Variants in RSPRY1 observed in about 807,000 individuals in gnomAD.
RSPRY1 encodes ring finger and SPRY domain containing 1.
A neutral mutation model predicts 73.1 loss-of-function variants in RSPRY1; 23 were observed. The ratio of observed to expected loss-of-function variants is 0.31; its 90% CI spans 0.23 to 0.45. The LOEUF is 0.45. Among genes scored for constraint, RSPRY1 ranks in the 20% least tolerant of loss-of-function variants. The probability of loss-of-function intolerance (pLI) is 1.00; values close to 1 mark genes in which losing one functional copy is unlikely to be tolerated. For missense variants in RSPRY1, 448 were observed against 698.7 expected, an observed-to-expected ratio of 0.64 and a Z score of 4.05; for synonymous variants, 226 against 251.4, an observed-to-expected ratio of 0.90 and a Z score of 0.95.
intron 11 of RSPRY1, among the ~76,000 whole-genome samples, chr16:57,230,162 C>G (rs767933362): frequency 5.9e-5 from 9 of 151,616 alleles, no homozygotes; most frequent in Non-Finnish European, 1.0e-4. Flanking sequence ...AGGTGCCCAC[C>G]ACCACACCCA....
chr16:57,194,186 C>T (rs2074398830), intron 1 of RSPRY1, among the ~76,000 whole-genome samples: 1 of 151,962 alleles, frequency 6.6e-6, no homozygotes, highest in African/African-American at 2.4e-5. Context: ...ATACTGATGC[C>T]TATAGTTTAC....
At chr16:57,214,004 A>G (rs772260362) in intron 6 of RSPRY1, 58 bp downstream of exon 6, 68 of 1,181,524 alleles carry the variant, frequency 5.8e-5, no homozygotes, top group Non-Finnish European at 8.1e-5. Flanking sequence ...CATCATCTAG[A>G]ACTGTGCATT....
rs776847428 is a variant in RSPRY1 at position 57,221,413 on chromosome 16, C to T, written c.1159C>T (p.His387Tyr). The T allele has an allele frequency of 6.2e-7, 1 of 1,613,182 alleles. No individual in the cohort carries two copies. Residue 387 changes from histidine to tyrosine, a missense_variant and splice_region_variant, in exon 10 of 15, where the codon CAT becomes TAT. Coordinates refer to ENST00000394420, the MANE Select transcript of RSPRY1 (RefSeq NM_133368.3). ...WATRDSKFLN[H>Y]EGYGIGDDEY... ...CACTCGAGACAGCAAATTCCTCAAT[C>T]ATGTGAGTACCCTAGAGAACTGTGA...
Position 57,222,168 on chromosome 16 carries a change from C to G in RSPRY1, c.1161+753C>G, listed in dbSNP as rs74021619. On this transcript the variant is annotated intron_variant, in intron 10 of 14. Transcript: ENST00000394420. ...TTGTTAATCTAAATAATAGCCCCCCCCTCCAATATGTAAGATCCTGGAATG... is the reference window on the plus strand; with the variant it reads ...TTGTTAATCTAAATAATAGCCCCCCGCTCCAATATGTAAGATCCTGGAATG... 2.5e-3 allele frequency among the ~76,000 whole-genome samples: 382 copies of G among 152,304 alleles called. 1 individual carries two copies. Among genetic ancestry groups the G allele is most frequent in the African/African-American group, 8.7e-3 (363 of 41,560 alleles).
chr16:57,197,519 C>G (rs1234126832), intron 1 of RSPRY1, among the ~76,000 whole-genome samples: 1 of 151,844 alleles, frequency 6.6e-6, no homozygotes, highest in Non-Finnish European at 1.5e-5. Context: ...AAAAAAAAGT[C>G]TGGCTTTAAA....
rs1183884742 is a variant in RSPRY1, at chr16:57,200,934, C to CG, written c.-155-3566dup. Among the ~76,000 whole-genome samples, 15 of 81,316 alleles carry CG rather than the reference C, an allele frequency of 1.8e-4. 1 individual carries two copies. In the East Asian group the frequency reaches 6.3e-3, roughly 34 times the overall value. The allele number at this position is 81,316 out of a possible 152,430, so 53.3% of individuals were successfully genotyped here. ...GCAGAGGCGCCCCTCACCTCCCAGA[C>CG]GGGGCGGCTGGCCGGGGGGGGGGGG... On this transcript the variant is annotated intron_variant, in intron 1 of 14. Coordinates refer to ENST00000394420, the MANE Select transcript of RSPRY1 (RefSeq NM_133368.3).
intron 10 of RSPRY1, 85 bp from the exon 11 acceptor site, chr16:57,227,257 G>A: frequency 1.2e-6 from 1 of 855,072 alleles, no homozygotes; most frequent in South Asian, 1.4e-5. Context: ...CCAGCCATTA[G>A]GTCAGTGGTC....
At chr16:57,209,355 T>G (rs1730485167) in intron 4 of RSPRY1, among the ~76,000 whole-genome samples, 168 bp downstream of exon 4, 1 of 152,152 alleles carries the variant, frequency 6.6e-6, no homozygotes, top group Non-Finnish European at 1.5e-5. Context: ...AAGAATTATG[T>G]CCTCTTTTTT....
chr16:57,201,635 C>G (rs867347211), intron 1 of RSPRY1, among the ~76,000 whole-genome samples: 1 of 152,190 alleles, frequency 6.6e-6, no homozygotes, highest in East Asian at 1.9e-4. Context: ...TGTATCGAGC[C>G]GAGATCACGC....
Position 57,198,076 on chromosome 16 carries a change from T to C in RSPRY1, c.-155-6428T>C, listed in dbSNP as rs2074484775. Among the ~76,000 whole-genome samples, 3 of 151,920 alleles carry C rather than the reference T, an allele frequency of 2.0e-5. No homozygotes were observed. In the South Asian group the frequency reaches 6.2e-4, roughly 32 times the overall value. ...AAAAATCTGCGTGTATTGGATATCA[T>C]CCAATCACCTTAAAATTGTACTAAA... On this transcript the variant is annotated intron_variant, in intron 1 of 14. Coordinates refer to ENST00000394420, the MANE Select transcript of RSPRY1 (RefSeq NM_133368.3).
intron 3 of RSPRY1, 141 bp from the exon 4 acceptor site, chr16:57,208,934 G>T: frequency 3.5e-6 from 2 of 579,254 alleles, no homozygotes; most frequent in Admixed American, 6.6e-5. Context: ...AGCAATTGAT[G>T]ATTATGTCCA....
intron 4 of RSPRY1, among the ~76,000 whole-genome samples, chr16:57,209,811 A>T (rs967201794): frequency 6.6e-6 from 1 of 151,848 alleles, no homozygotes; most frequent in African/African-American, 2.4e-5. Context: ...TGTAGCTGGG[A>T]CCATAGGTGC....
chr16:57,195,231 G>A (rs2074418466), intron 1 of RSPRY1, among the ~76,000 whole-genome samples: 1 of 152,152 alleles, frequency 6.6e-6, no homozygotes, highest in African/African-American at 2.4e-5. Context: ...ATAATATTAG[G>A]CTGGGCATGG....
chr16:57,231,378 C>T, intron 13 of RSPRY1, 59 bp downstream of exon 13: 1 of 1,480,790 alleles, frequency 6.8e-7, no homozygotes, highest in African/African-American at 1.4e-5. Context: ...AGAAATTAAA[C>T]AATTTATAAT....
At position 57,240,356 on chromosome 16, in the gene RSPRY1, C is replaced by CAA. The variant is rs1325848771; in HGVS notation, c.*1382_*1383insAA. On this transcript the variant is annotated 3_prime_UTR_variant, in exon 15 of 15. Transcript: ENST00000394420. ...CCATAAATCCACACACACACACACA[C>CAA]ACAAAAAATATATATATATATAAAT... The CAA allele has an allele frequency of 7.1e-4, 106 of 148,692 alleles. No homozygotes were observed. Among genetic ancestry groups the CAA allele is most frequent in the African/African-American group, 2.3e-3 (94 of 40,408 alleles). The allele number at this position is 148,692 out of a possible 1,614,324, so 9.2% of individuals were successfully genotyped here.
At chr16:57,212,881 G>A in intron 4 of RSPRY1, 91 bp from the exon 5 acceptor site, 1 of 1,414,248 alleles carries the variant, frequency 7.1e-7, no homozygotes, top group Non-Finnish European at 9.7e-7. Flanking sequence ...CCAAAGTGCT[G>A]GTTATAGCTT....
At chr16:57,223,950 C>A (rs1380941651) in intron 10 of RSPRY1, among the ~76,000 whole-genome samples, 3 of 152,130 alleles carry the variant, frequency 2.0e-5, no homozygotes, top group Admixed American at 6.5e-5. Flanking sequence ...TCCCCAAAGC[C>A]ATGTAGTCTC....
intron 10 of RSPRY1, among the ~76,000 whole-genome samples, chr16:57,225,808 G>T (rs570134376): frequency 6.6e-6 from 1 of 152,168 alleles, no homozygotes; most frequent in Non-Finnish European, 1.5e-5. Flanking sequence ...GCCAGGCGCG[G>T]TGGCTCACGC....
At chr16:57,233,590 G>A (rs1434980869) in intron 13 of RSPRY1, among the ~76,000 whole-genome samples, 1 of 152,044 alleles carries the variant, frequency 6.6e-6, no homozygotes, top group Non-Finnish European at 1.5e-5. Flanking sequence ...GGCTGGTCTC[G>A]AACTCTTGGG....
Sources: allele counts gnomAD v4.1 joint callset (sites outside exome capture counted in the v4.1 genomes callset), GRCh38; gene constraint gnomAD v4.1.1; transcripts MANE v1.5; gene names NCBI Gene and HGNC (gene_info 2026-07-23, HGNC 2026-07-21).